PUM2: variants seen among roughly 807,000 people sequenced by gnomAD.
The protein encoded by PUM2 is pumilio RNA binding family member 2.
PUM2 carries 57 observed loss-of-function variants against 124.5 expected under a neutral mutation model. The ratio of observed to expected loss-of-function variants is 0.46; its 90% CI spans 0.37 to 0.57. The LOEUF (loss-of-function observed/expected upper bound fraction) is 0.57. Among genes scored for constraint, PUM2 ranks in the 20% least tolerant of loss-of-function variants. The probability of loss-of-function intolerance (pLI) is 0.00; values close to 1 mark genes in which losing one functional copy is unlikely to be tolerated. For synonymous variants in PUM2, 460 were observed against 446.1 expected, an observed-to-expected ratio of 1.03 and a Z score of -0.39; for missense variants, 1,065 against 1,290.6, an observed-to-expected ratio of 0.83 and a Z score of 2.68.
intron 14 of PUM2, among the ~76,000 whole-genome samples, chr2:20,260,719 T>TTGACAACAAGCCACATATA (rs1665974267): frequency 6.6e-6 from 1 of 152,148 alleles, no homozygotes; most frequent in African/African-American, 2.4e-5. Context: ...TACATTATAA[T>TTGACAACAAGCCACATATA]CAATAAGAAA....
At position 20,293,628 on chromosome 2, in the gene PUM2, T is replaced by G. The variant is rs905527146; in HGVS notation, c.1152+748A>C. On this transcript the variant is annotated intron_variant, in intron 9 of 20. Coordinates refer to ENST00000361078, the MANE Select transcript of PUM2 (RefSeq NM_015317.5). Reference sequence around the variant, plus strand: ...GGAAGACTGAGGTATAAGAGTCACTTGAACCTGGGGTGGAAGTTGCAGTGA... The same window carrying G: ...GGAAGACTGAGGTATAAGAGTCACTGGAACCTGGGGTGGAAGTTGCAGTGA... Among the ~76,000 whole-genome samples, 7 of 152,172 alleles carry G rather than the reference T, an allele frequency of 4.6e-5. 1 individual carries two copies. Among genetic ancestry groups the G allele is most frequent in the Admixed American group, 1.3e-4 (2 of 15,278 alleles).
chr2:20,264,135 G>C (rs988586189), intron 13 of PUM2, among the ~76,000 whole-genome samples: 3 of 150,966 alleles, frequency 2.0e-5, no homozygotes, highest in African/African-American at 4.9e-5. Context: ...TCAGGAGTTT[G>C]AGACCAGCCT....
intron 3 of PUM2, among the ~76,000 whole-genome samples, chr2:20,315,434 T>C (rs1680660740): frequency 6.6e-6 from 1 of 152,182 alleles, no homozygotes; most frequent in Non-Finnish European, 1.5e-5. Context: ...TATTTTTATG[T>C]GTCTGGCATT....
chr2:20,303,790 C>T (rs991189476), intron 7 of PUM2, among the ~76,000 whole-genome samples: 1 of 152,196 alleles, frequency 6.6e-6, no homozygotes, highest in African/African-American at 2.4e-5. Flanking sequence ...TCACCTAGAA[C>T]TATTTTTTCA....
chr2:20,265,827 C>T (rs562004009), intron 13 of PUM2, among the ~76,000 whole-genome samples: 1 of 151,818 alleles, frequency 6.6e-6, no homozygotes, highest in East Asian at 1.9e-4. Flanking sequence ...ACATCCCCCA[C>T]CCCACTTACT....
At chr2:20,323,131 T>C (rs1469798746) in intron 2 of PUM2, among the ~76,000 whole-genome samples, 1 of 152,082 alleles carries the variant, frequency 6.6e-6, no homozygotes, top group Non-Finnish European at 1.5e-5. Context: ...TGCGCTTCAG[T>C]TTCCTCATCT....
At chr2:20,312,520 G>A in intron 3 of PUM2, 97 bp from the exon 4 acceptor site, 1 of 1,126,462 alleles carries the variant, frequency 8.9e-7, no homozygotes, top group Non-Finnish European at 1.3e-6. Flanking sequence ...TCAGCACATT[G>A]TTTTATTTTG....
At chr2:20,301,424 T>A in intron 7 of PUM2, among the ~76,000 whole-genome samples, 1 of 152,316 alleles carries the variant, frequency 6.6e-6, no homozygotes, top group African/African-American at 2.4e-5. Context: ...CTGGGAGATA[T>A]AAAGTGGAAA....
At chr2:20,267,074 G>A (rs1667838522) in intron 13 of PUM2, among the ~76,000 whole-genome samples, 1 of 151,254 alleles carries the variant, frequency 6.6e-6, no homozygotes, top group African/African-American at 2.4e-5. Flanking sequence ...CCAGGCTGGA[G>A]TGCAGTGATG....
At chr2:20,318,470 A>G (rs933467772) in intron 3 of PUM2, 67 bp downstream of exon 3, 1 of 1,378,424 alleles carries the variant, frequency 7.3e-7, no homozygotes, top group Admixed American at 2.1e-5. Context: ...TCTAAAAAAA[A>G]AGGTGCATTA....
Position 20,318,612 on chromosome 2 carries a change from C to A in PUM2, c.85G>T (p.Asp29Tyr). 1 of 1,613,546 alleles carries A rather than the reference C, an allele frequency of 6.2e-7. No individual in the cohort carries two copies. ...LPTKKFWEPDDSTKDGQKGIF... is the reference protein window; with the variant it reads ...LPTKKFWEPDYSTKDGQKGIF... The stretch of plus-strand genomic sequence containing the variant: ...CCTTTTTGTCCATCTTTTGTTGAAT[C>A]ATCAGGTTCCCAAAACTTTTTGGTA... The change falls in exon 3 of 21, where the codon GAT becomes TAT. Residue 29 changes from aspartate to tyrosine, a missense_variant. Asp to Tyr is a radical substitution (Grantham distance 160, BLOSUM62 -3). Transcript: ENST00000361078.
intron 14 of PUM2, among the ~76,000 whole-genome samples, chr2:20,262,280 A>G (rs1210602131): frequency 1.3e-5 from 2 of 152,232 alleles, no homozygotes; most frequent in African/African-American, 2.4e-5. Context: ...TGCAAGCTCC[A>G]TTCACATTAA....
chr2:20,332,498 G>A (rs1685138225), intron 1 of PUM2, among the ~76,000 whole-genome samples: 1 of 151,516 alleles, frequency 6.6e-6, no homozygotes, highest in Non-Finnish European at 1.5e-5. Context: ...ACGAGAAAGA[G>A]AATGAAGGAG....
At chr2:20,290,504 T>A in intron 10 of PUM2, 148 bp downstream of exon 10, 1 of 758,358 alleles carries the variant, frequency 1.3e-6, no homozygotes, top group Non-Finnish European at 2.0e-6. Context: ...CAATACTGAT[T>A]TCAATTATTA....
chr2:20,279,914 T>C (rs1671107725), intron 12 of PUM2, among the ~76,000 whole-genome samples: 1 of 152,148 alleles, frequency 6.6e-6, no homozygotes, highest in Admixed American at 6.6e-5. Context: ...TGAATAACTT[T>C]TACATCTAAG....
At chr2:20,286,766 T>G (rs1010909909) in intron 10 of PUM2, among the ~76,000 whole-genome samples, 2 of 152,252 alleles carry the variant, frequency 1.3e-5, no homozygotes, top group Non-Finnish European at 2.9e-5. Flanking sequence ...CCTAATTTTC[T>G]AATGTAATCA....
intron 5 of PUM2, among the ~76,000 whole-genome samples, chr2:20,310,336 A>G (rs1397349085): frequency 6.6e-6 from 1 of 152,094 alleles, no homozygotes; most frequent in African/African-American, 2.4e-5. Flanking sequence ...CCTCTCACAC[A>G]AAGTAACTCG....
At chr2:20,308,673 G>A in intron 5 of PUM2, 89 bp from the exon 6 acceptor site, 1 of 1,323,050 alleles carries the variant, frequency 7.6e-7, no homozygotes, top group Non-Finnish European at 1.0e-6. Context: ...AAAAACAAAT[G>A]GTCATAAAAC....
At chr2:20,308,101 T>G (rs972006488) in intron 6 of PUM2, 30 bp from the exon 7 acceptor site, 6 of 1,583,494 alleles carry the variant, frequency 3.8e-6, no homozygotes, top group Non-Finnish European at 5.2e-6. Flanking sequence ...ACACAAAGAT[T>G]AGTGTCAAAA....
Sources: gnomAD v4.1 joint callset for allele counts (sites outside exome capture counted in the v4.1 genomes callset) on GRCh38, gnomAD v4.1.1 for gene constraint, MANE v1.5 for transcripts, NCBI Gene and HGNC (gene_info 2026-07-23, HGNC 2026-07-21) for gene names.